Variants in SNX29 observed in about 807,000 individuals in gnomAD.
SNX29 encodes sorting nexin-29.
A neutral mutation model predicts 102.1 loss-of-function variants in SNX29; 78 were observed. That is an observed-to-expected ratio of 0.76 (90% CI 0.64 to 0.92). The LOEUF (loss-of-function observed/expected upper bound fraction) is 0.92. SNX29 is among the 40% of genes least tolerant of loss of function. The pLI is 0.00. For missense variants in SNX29, 1,280 were observed against 1,061.7 expected, an observed-to-expected ratio of 1.21 and a Z score of -2.86; for synonymous variants, 580 against 414.5, an observed-to-expected ratio of 1.40 and a Z score of -4.85.
chr16:12,076,772 C>T (rs977540576), intron 10 of SNX29, among the ~76,000 whole-genome samples: 30 of 152,194 alleles, frequency 2.0e-4, no homozygotes, highest in African/African-American at 6.5e-4. Flanking sequence ...GGTGCTATTA[C>T]ATCCTTATTT....
intron 11 of SNX29, among the ~76,000 whole-genome samples, chr16:12,080,832 C>T (rs943885683): frequency 3.9e-5 from 6 of 151,998 alleles, no homozygotes; most frequent in Non-Finnish European, 7.4e-5. Flanking sequence ...GCTGGGATTA[C>T]AGGCCCACGC....
chr16:12,359,847 T>G (rs2082252101), intron 16 of SNX29, among the ~76,000 whole-genome samples: 1 of 152,190 alleles, frequency 6.6e-6, no homozygotes, highest in Non-Finnish European at 1.5e-5. Context: ...TTTTTGAGAC[T>G]GAATCATGCT....
intron 14 of SNX29, among the ~76,000 whole-genome samples, chr16:12,270,930 C>G (rs2079073637): frequency 6.6e-6 from 1 of 152,150 alleles, no homozygotes; most frequent in Non-Finnish European, 1.5e-5. Flanking sequence ...GTAATCCCAG[C>G]TACTCAAGAG....
At chr16:12,082,265 G>C (rs375648876) in intron 11 of SNX29, among the ~76,000 whole-genome samples, 2 of 152,068 alleles carry the variant, frequency 1.3e-5, no homozygotes, top group Admixed American at 1.3e-4. Flanking sequence ...TGTAGGCACC[G>C]TAAGTAGGGC....
intron 15 of SNX29, among the ~76,000 whole-genome samples, chr16:12,317,842 C>T (rs181301546): frequency 2.0e-4 from 30 of 152,326 alleles, no homozygotes; most frequent in Middle Eastern, 6.8e-3. Context: ...AATGACTCCC[C>T]GTGCCGGGGT....
chr16:12,389,748 C>T (rs537974996), intron 16 of SNX29, among the ~76,000 whole-genome samples: 1 of 152,252 alleles, frequency 6.6e-6, no homozygotes, highest in African/African-American at 2.4e-5. Context: ...ACAGGGAGGG[C>T]TCTGGCCAAT....
chr16:12,046,119 A>G (rs2050079671), intron 5 of SNX29, among the ~76,000 whole-genome samples: 1 of 152,208 alleles, frequency 6.6e-6, no homozygotes. Flanking sequence ...TTGCTGCTTT[A>G]TAAATACATT....
intron 20 of SNX29, among the ~76,000 whole-genome samples, chr16:12,553,305 T>C (rs114858249): frequency 0.015 from 2,339 of 152,320 alleles, 56 homozygotes; most frequent in African/African-American, 0.053. Context: ...AGTGGGCACC[T>C]GGCCCTGGGA....
At position 12,060,971 on chromosome 16, in the gene SNX29, C is replaced by T. The variant is rs951801795; in HGVS notation, c.1125-557C>T. 153 of 420,624 alleles carry T rather than the reference C, an allele frequency of 3.6e-4. 2 individuals are homozygous for T. Among genetic ancestry groups the T allele is most frequent in the South Asian group, 2.0e-3 (115 of 57,724 alleles). The allele number at this position is 420,624 out of a possible 1,614,324, so 26.1% of individuals were successfully genotyped here. A position where few individuals can be genotyped will look rare whatever the true frequency, so the allele number is the denominator to read the frequency against. On this transcript the variant is annotated intron_variant, in intron 8 of 20. Transcript: ENST00000566228. ...CACGAGGGGCTCAGATGCAGCGAGG[C>T]GGAGCAACGCTAGCCCTAGGTCAGG...
intron 15 of SNX29, among the ~76,000 whole-genome samples, chr16:12,337,039 G>A (rs1161615066): frequency 6.6e-6 from 1 of 152,154 alleles, no homozygotes; most frequent in Non-Finnish European, 1.5e-5. Flanking sequence ...GGCCAGGCCT[G>A]GGAGATGTTT....
intron 11 of SNX29, among the ~76,000 whole-genome samples, chr16:12,108,620 C>A (rs1425483993): frequency 6.6e-6 from 1 of 152,056 alleles, no homozygotes; most frequent in African/African-American, 2.4e-5. Flanking sequence ...CTACAACAGC[C>A]CTGTGAGTTG....
At chr16:12,515,256 A>G (rs1169293958) in intron 19 of SNX29, among the ~76,000 whole-genome samples, 3 of 152,138 alleles carry the variant, frequency 2.0e-5, no homozygotes, top group Non-Finnish European at 4.4e-5. Flanking sequence ...ATCGCTTTGC[A>G]TGTCTTTTCC....
At chr16:12,427,346 T>G (rs1279027491) in intron 18 of SNX29, among the ~76,000 whole-genome samples, 1 of 152,190 alleles carries the variant, frequency 6.6e-6, no homozygotes, top group Non-Finnish European at 1.5e-5. Context: ...GGCAACCAAT[T>G]AGATGTTTTA....
chr16:12,361,022 C>T (rs948978863), intron 16 of SNX29, among the ~76,000 whole-genome samples: 8 of 152,206 alleles, frequency 5.3e-5, no homozygotes, highest in African/African-American at 1.9e-4. Context: ...CCTTACGGTA[C>T]CCATTTCCAC....
Position 12,255,176 on chromosome 16 carries a change from AT to A in SNX29, c.1679-22753del, listed in dbSNP as rs563176065. Among the ~76,000 whole-genome samples the A allele has an allele frequency of 6.2e-3, 938 of 152,128 alleles. 3 individuals carry two copies. Among genetic ancestry groups the A allele is most frequent in the Non-Finnish European group, 8.9e-3 (603 of 67,994 alleles). Reference sequence around the variant, plus strand: ...CCATTTAGGATATAATCTCTTCACAATTTTCAAGGAAACAATCCTGTATTTT... The same window carrying A: ...CCATTTAGGATATAATCTCTTCACAATTTCAAGGAAACAATCCTGTATTTT... On this transcript the variant is annotated intron_variant, in intron 14 of 20. Coordinates refer to ENST00000566228, the MANE Select transcript of SNX29 (RefSeq NM_032167.5).
rs554079223 is a variant in SNX29 at position 12,569,659 on chromosome 16, A to C, written c.*1030A>C. 1 of 228,916 alleles carries C rather than the reference A, an allele frequency of 4.4e-6. No homozygotes were observed. The highest frequency in any genetic ancestry group is 2.2e-5 in the African/African-American group (1 of 45,178). The allele number at this position is 228,916 out of a possible 1,614,324, so 14.2% of individuals were successfully genotyped here. On this transcript the variant is annotated 3_prime_UTR_variant, in exon 21 of 21. Coordinates refer to ENST00000566228, the MANE Select transcript of SNX29 (RefSeq NM_032167.5). The stretch of plus-strand genomic sequence containing the variant: ...TAAGACAGAGTCCTCTGTTCCTCCC[A>C]TGTCAGGTGGCTCTCAGAGTACAGG...
chr16:12,204,353 C>A (rs2076992823), intron 14 of SNX29, among the ~76,000 whole-genome samples: 2 of 152,168 alleles, frequency 1.3e-5, no homozygotes, highest in Admixed American at 1.3e-4. Context: ...TGGATACAGG[C>A]CTGTTCGTCC....
chr16:12,182,499 G>A (rs1168064588), intron 13 of SNX29, among the ~76,000 whole-genome samples: 3 of 152,164 alleles, frequency 2.0e-5, no homozygotes, highest in Admixed American at 6.5e-5. Flanking sequence ...CAGCCACTGT[G>A]CTGCAGTTGG....
At chr16:12,142,356 C>T (rs376208781) in intron 13 of SNX29, among the ~76,000 whole-genome samples, 26 of 150,548 alleles carry the variant, frequency 1.7e-4, no homozygotes, top group Middle Eastern at 6.8e-3. Context: ...TAAGCACATG[C>T]TTGTCAGCAG....
Sources: gnomAD v4.1 joint callset for allele counts (sites outside exome capture counted in the v4.1 genomes callset) on GRCh38, gnomAD v4.1.1 for gene constraint, MANE v1.5 for transcripts, NCBI Gene and HGNC (gene_info 2026-07-23, HGNC 2026-07-21) for gene names.